The following MGMT variants were observed in gnomAD, a reference collection of about 807,000 sequenced individuals.
The protein encoded by MGMT is methylated-DNA--protein-cysteine methyltransferase.
Under a neutral mutation model 15.9 loss-of-function variants are expected in MGMT, and 14 were observed. The ratio of observed to expected loss-of-function variants is 0.88; its 90% CI spans 0.58 to 1.37. MGMT has a LOEUF of 1.37. Among genes scored for constraint, MGMT ranks in the 40% most tolerant of loss-of-function variants. The pLI is 0.00. For missense variants in MGMT, 282 were observed against 268.1 expected, an observed-to-expected ratio of 1.05 and a Z score of -0.36; for synonymous variants, 130 against 118.2, an observed-to-expected ratio of 1.10 and a Z score of -0.65.
chr10:129,501,155 G>A (rs1402248247), intron 1 of MGMT, among the ~76,000 whole-genome samples: 1 of 152,232 alleles, frequency 6.6e-6, no homozygotes, highest in Non-Finnish European at 1.5e-5. Flanking sequence ...CCTGGGCAGA[G>A]TTCCCTCAGT....
intron 2 of MGMT, among the ~76,000 whole-genome samples, chr10:129,648,639 C>T (rs1469523328): frequency 2.6e-5 from 4 of 152,154 alleles, no homozygotes; most frequent in African/African-American, 9.7e-5. Context: ...CTGACTTTGC[C>T]GCTAAGTTTC....
chr10:129,515,886 G>A (rs1026908454), intron 1 of MGMT, among the ~76,000 whole-genome samples: 1 of 152,310 alleles, frequency 6.6e-6, no homozygotes, highest in Non-Finnish European at 1.5e-5. Flanking sequence ...CACAGCAAGG[G>A]AAAAGAGCAA....
At position 129,639,947 on chromosome 10, in the gene MGMT, CAA is replaced by C. The variant is rs35965727; in HGVS notation, c.126-67934_126-67933del. On this transcript the variant is annotated intron_variant, in intron 2 of 4. Transcript: ENST00000651593. Reference sequence around the variant, plus strand: ...CTGATAAATCGGTGGCTAGACTGACCAAAAAAAAAAAAAAAGAGAGTGAAGTC... The same window carrying C: ...CTGATAAATCGGTGGCTAGACTGACCAAAAAAAAAAAAAGAGAGTGAAGTC... 1.2e-3 allele frequency among the ~76,000 whole-genome samples: 138 copies of C among 116,260 alleles called. 1 individual carries two copies. Among genetic ancestry groups the C allele is most frequent in the African/African-American group, 2.6e-3 (81 of 31,340 alleles). The allele number at this position is 116,260 out of a possible 152,430, so 76.3% of individuals were successfully genotyped here. A position where few individuals can be genotyped will look rare whatever the true frequency, so the allele number is the denominator to read the frequency against.
At chr10:129,644,477 G>A (rs1237179727) in intron 2 of MGMT, among the ~76,000 whole-genome samples, 1 of 152,206 alleles carries the variant, frequency 6.6e-6, no homozygotes, top group African/African-American at 2.4e-5. Context: ...GAAACTAGTT[G>A]GGGACAGGGG....
At chr10:129,491,615 G>A (rs1845469689) in intron 1 of MGMT, among the ~76,000 whole-genome samples, 1 of 151,902 alleles carries the variant, frequency 6.6e-6, no homozygotes, top group Non-Finnish European at 1.5e-5. Context: ...CTCTATTCTT[G>A]TTTTCTTTCC....
intron 2 of MGMT, among the ~76,000 whole-genome samples, chr10:129,539,545 C>T (rs1343116670): frequency 6.6e-6 from 1 of 152,110 alleles, no homozygotes; most frequent in African/African-American, 2.4e-5. Context: ...CTTGCTCTGT[C>T]GCCCAGGCTG....
At chr10:129,737,351 C>T (rs1342969518) in intron 3 of MGMT, among the ~76,000 whole-genome samples, 1 of 152,122 alleles carries the variant, frequency 6.6e-6, no homozygotes, top group African/African-American at 2.4e-5. Flanking sequence ...TGCATCGGCT[C>T]CTGAGGCTTC....
In MGMT at chr10:129,756,759, C is replaced by T. The variant is rs1352269014; in HGVS notation, c.275-2443C>T. On this transcript the variant is annotated intron_variant, in intron 3 of 4. Coordinates refer to ENST00000651593, the MANE Select transcript of MGMT (RefSeq NM_002412.5). ...CTGGGATTACAGGCGTGAGCCACCG[C>T]GCCTGGACCAGAAGGCTGCTGTTTT... 4.6e-5 allele frequency among the ~76,000 whole-genome samples: 7 copies of T among 152,320 alleles called. No individual in the cohort carries two copies. In the East Asian group the frequency reaches 1.2e-3, roughly 25 times the overall value.
intron 1 of MGMT, among the ~76,000 whole-genome samples, chr10:129,514,189 T>C (rs954967834): frequency 9.9e-5 from 15 of 152,276 alleles, no homozygotes. Context: ...GTTTGAAATA[T>C]ACAATAGAGG....
intron 2 of MGMT, among the ~76,000 whole-genome samples, chr10:129,636,952 C>T (rs914192959): frequency 1.3e-5 from 2 of 152,210 alleles, no homozygotes; most frequent in East Asian, 3.8e-4. Context: ...CAGCCACACT[C>T]GAGTTGTCTA....
intron 1 of MGMT, among the ~76,000 whole-genome samples, chr10:129,488,599 C>A (rs1195425624): frequency 2.0e-5 from 3 of 152,096 alleles, no homozygotes; most frequent in Non-Finnish European, 4.4e-5. Context: ...TGATTCTTTT[C>A]CTTTATAGTT....
At chr10:129,670,052 A>G (rs576295109) in intron 2 of MGMT, among the ~76,000 whole-genome samples, 3 of 152,172 alleles carry the variant, frequency 2.0e-5, no homozygotes, top group Non-Finnish European at 2.9e-5. Context: ...GTGATACAGT[A>G]TGTCAGGATA....
At chr10:129,615,759 G>T (rs958211331) in intron 2 of MGMT, among the ~76,000 whole-genome samples, 1 of 152,142 alleles carries the variant, frequency 6.6e-6, no homozygotes, top group South Asian at 2.1e-4. Flanking sequence ...GTGAGAACAT[G>T]GCCTGGGCAT....
chr10:129,673,105 G>A (rs1025761359), intron 2 of MGMT, among the ~76,000 whole-genome samples: 13 of 152,110 alleles, frequency 8.5e-5, no homozygotes, highest in African/African-American at 3.1e-4. Context: ...GTGCTCAAAG[G>A]ACCCTGCAAG....
chr10:129,576,664 T>C (rs911755928), intron 2 of MGMT, among the ~76,000 whole-genome samples: 49 of 152,278 alleles, frequency 3.2e-4, no homozygotes, highest in African/African-American at 1.1e-3. Flanking sequence ...CTATTCAACA[T>C]AGTGTTGGAA....
At chr10:129,583,836 G>A (rs925666719) in intron 2 of MGMT, among the ~76,000 whole-genome samples, 4 of 152,154 alleles carry the variant, frequency 2.6e-5, no homozygotes, top group African/African-American at 9.7e-5. Flanking sequence ...GCCAGACCAA[G>A]TCTTGACTTT....
intron 2 of MGMT, chr10:129,563,933 G>C (rs532672526): frequency 6.6e-6 from 1 of 152,474 alleles, no homozygotes; most frequent in South Asian, 2.1e-4. Flanking sequence ...GAAGGTGAAA[G>C]CTTCACCCTT....
At chr10:129,594,987 C>T (rs1446080383) in intron 2 of MGMT, among the ~76,000 whole-genome samples, 1 of 152,200 alleles carries the variant, frequency 6.6e-6, no homozygotes, top group Non-Finnish European at 1.5e-5. Flanking sequence ...GGAGCCGGAG[C>T]AGCGCCCCAC....
intron 1 of MGMT, among the ~76,000 whole-genome samples, chr10:129,484,710 T>C (rs1351249384): frequency 6.6e-6 from 1 of 152,170 alleles, no homozygotes; most frequent in Admixed American, 6.5e-5. Context: ...CTAGATTATG[T>C]TGTCTTTTAA....
Sources: allele counts gnomAD v4.1 joint callset (sites outside exome capture counted in the v4.1 genomes callset), GRCh38; gene constraint gnomAD v4.1.1; transcripts MANE v1.5; gene names NCBI Gene and HGNC (gene_info 2026-07-23, HGNC 2026-07-21).